PIN4: variants seen among roughly 807,000 people sequenced by gnomAD.
PIN4 encodes the protein peptidylprolyl cis/trans isomerase, NIMA-interacting 4, also known as peptidyl-prolyl cis-trans isomerase NIMA-interacting 4.
Under a neutral mutation model 8.3 loss-of-function variants are expected in PIN4, and 3 were observed. The observed-to-expected ratio is 0.36, with a 90% CI of 0.16 to 0.93. The LOEUF (loss-of-function observed/expected upper bound fraction) is 0.93. Among genes scored for constraint, PIN4 ranks in the 40% least tolerant of loss-of-function variants. PIN4 has a pLI of 0.44. For missense variants in PIN4, 75 were observed against 100.6 expected, an observed-to-expected ratio of 0.75 and a Z score of 1.09; for synonymous variants, 18 against 32.5, an observed-to-expected ratio of 0.55 and a Z score of 1.52.
intron 3 of PIN4, among the ~76,000 whole-genome samples, chrX:72,250,932 G>T (rs2043084339): frequency 9.3e-6 from 1 of 107,258 alleles, no homozygotes; most frequent in Non-Finnish European, 1.9e-5. Context: ...TAGATATGGG[G>T]GTTTTGTCAT....
At chrX:72,239,031 C>T in intron 3 of PIN4, 1 of 733,594 alleles carries the variant, frequency 1.4e-6, no homozygotes, top group East Asian at 3.6e-5. Context: ...CGCGCATGCT[C>T]TGTGCGCCGT....
intron 3 of PIN4, among the ~76,000 whole-genome samples, chrX:72,224,686 A>G (rs4240012): frequency 0.42 from 46,490 of 110,067 alleles, 8,911 homozygotes; most frequent in East Asian, 0.98. Context: ...TGGAGGTTGC[A>G]GCAAGCCAAG....
intron 2 of PIN4, among the ~76,000 whole-genome samples, chrX:72,190,739 G>A (rs1000086952): frequency 9.1e-6 from 1 of 110,281 alleles, no homozygotes; most frequent in African/African-American, 3.3e-5. Flanking sequence ...GATCACCTGA[G>A]GTCAAGAGTC....
At chrX:72,220,961 C>T (rs1423318639) in intron 3 of PIN4, among the ~76,000 whole-genome samples, 1 of 111,853 alleles carries the variant, frequency 8.9e-6, no homozygotes, top group Non-Finnish European at 1.9e-5. Context: ...AACGGCAGCT[C>T]ATCATAAGTT....
rs143295755 is a variant in PIN4, at chrX:72,197,454, G to A, written c.324G>A (p.Lys108=). 1.5e-5 allele frequency: 18 copies of A among 1,206,271 alleles called. No individual in the cohort carries two copies. In the African/African-American group the frequency reaches 3.1e-4, roughly 21 times the overall value. ...AFALPVSGMD[K]PVFTDPPVKT... The stretch of plus-strand genomic sequence containing the variant: ...CCTTGCCTGTAAGTGGGATGGATAA[G>A]CCTGTGTTTACAGACCCACCGGTTA... Residue 108 remains lysine, a synonymous_variant, in exon 4 of 4, where the codon AAG becomes AAA. Coordinates refer to ENST00000373669, the MANE Select transcript of PIN4 (RefSeq NM_006223.4).
At chrX:72,196,949 G>A (rs1266643721) in intron 3 of PIN4, 45 bp downstream of exon 3, 2 of 1,063,800 alleles carry the variant, frequency 1.9e-6, no homozygotes, top group South Asian at 2.6e-5. Context: ...AGGTAAGAAA[G>A]CAAAGTAAAA....
Position 72,197,871 on chromosome X carries a change from C to T in PIN4, c.*345C>T. 1 of 764,904 alleles carries T rather than the reference C, an allele frequency of 1.3e-6. No homozygotes were observed. Among genetic ancestry groups the T allele is most frequent in the Non-Finnish European group, 1.6e-6 (1 of 643,125 alleles). The allele number at this position is 764,904 out of a possible 1,213,427, so 63.0% of individuals were successfully genotyped here. ...TCTTCAGGGGAAGCAGATATCAACT[C>T]ACACTATTCACACAACTGAAAATAT... is the stretch of plus-strand genomic sequence containing the variant. On this transcript the variant is annotated 3_prime_UTR_variant, in exon 4 of 4. Coordinates refer to ENST00000373669, the MANE Select transcript of PIN4 (RefSeq NM_006223.4).
intron 3 of PIN4, among the ~76,000 whole-genome samples, chrX:72,236,803 C>T (rs1307975148): frequency 1.8e-5 from 2 of 111,876 alleles, no homozygotes; most frequent in African/African-American, 6.5e-5. Context: ...GGTTTTGCTA[C>T]GTCATTTCAC....
intron 3 of PIN4, among the ~76,000 whole-genome samples, chrX:72,231,318 C>T (rs1318876969): frequency 2.7e-5 from 3 of 111,294 alleles, no homozygotes; most frequent in African/African-American, 9.8e-5. Context: ...AAACCAGGCA[C>T]GGAGAGACAA....
Position 72,191,424 on chromosome X carries a change from G to A in PIN4, c.117+4890G>A, listed in dbSNP as rs767356755. ...AAATTAGTTGGGCATGGTGGCATGC[G>A]CCTGGAATCTCAGCTACTCGGGAGG... On this transcript the variant is annotated intron_variant, in intron 2 of 3. Transcript: ENST00000373669. 1.2e-3 allele frequency among the ~76,000 whole-genome samples: 130 copies of A among 110,941 alleles called. No homozygotes were observed. The South Asian group carries it at 0.016, about 14-fold the overall frequency.
chrX:72,210,247 G>A (rs773603865), intron 3 of PIN4, among the ~76,000 whole-genome samples: 418 of 98,565 alleles, frequency 4.2e-3, no homozygotes, highest in Non-Finnish European at 6.9e-3. Flanking sequence ...ATAAATAAAT[G>A]GAAAAAAGAT....
At chrX:72,259,114 A>G (rs2043126316) in intron 3 of PIN4, among the ~76,000 whole-genome samples, 1 of 111,225 alleles carries the variant, frequency 9.0e-6, no homozygotes. Flanking sequence ...AAGCATTTTT[A>G]GTGAGCAGTT....
At position 72,197,912 on chromosome X, in the gene PIN4, T is replaced by A. The variant is rs1247081390; in HGVS notation, c.*386T>A. On this transcript the variant is annotated 3_prime_UTR_variant, in exon 4 of 4. Coordinates refer to ENST00000373669, the MANE Select transcript of PIN4 (RefSeq NM_006223.4). The stretch of plus-strand genomic sequence containing the variant: ...CTGAAAATATTGGGCATCAAATAGA[T>A]TAGTGTGTGAGAATCATAAAATAAG... The A allele has an allele frequency of 5.3e-6, 4 of 752,227 alleles. No individual in the cohort carries two copies. Among genetic ancestry groups the A allele is most frequent in the Non-Finnish European group, 6.3e-6 (4 of 633,493 alleles). The allele number at this position is 752,227 out of a possible 1,213,427, so 62.0% of individuals were successfully genotyped here.
chrX:72,229,681 T>A (rs2042972431), intron 3 of PIN4, among the ~76,000 whole-genome samples: 1 of 111,560 alleles, frequency 9.0e-6, no homozygotes, highest in Admixed American at 9.6e-5. Context: ...TCTCCCTCCA[T>A]TGGACTTGTT....
At chrX:72,209,468 T>C (rs1294598534) in intron 3 of PIN4, among the ~76,000 whole-genome samples, 2 of 112,322 alleles carry the variant, frequency 1.8e-5, no homozygotes, top group Non-Finnish European at 3.8e-5. Flanking sequence ...ACCATCTATT[T>C]AGCCACCCAA....
At chrX:72,242,962 A>G (rs1006961656) in intron 3 of PIN4, among the ~76,000 whole-genome samples, 2 of 110,874 alleles carry the variant, frequency 1.8e-5, no homozygotes, top group Non-Finnish European at 3.8e-5. Context: ...GCAGTGAGCC[A>G]AGATCTCACT....
Position 72,258,245 on chromosome X carries a change from C to G in PIN4, c.313-4462C>G, listed in dbSNP as rs1026163350. On this transcript the variant is annotated intron_variant, in intron 3 of 3. Coordinates refer to the PIN4 transcript ENST00000423432. ...TCCCCAGCTCTGCCTTGGATCGGCC[C>G]TGGCCCAGAGGACCTTTGAAACCTT... 2.7e-5 allele frequency among the ~76,000 whole-genome samples: 3 copies of G among 112,119 alleles called. 1 individual carries two copies. The highest frequency in any genetic ancestry group is 9.7e-5 in the African/African-American group (3 of 30,790).
intron 3 of PIN4, chrX:72,205,700 C>A: frequency 8.3e-7 from 1 of 1,211,850 alleles, no homozygotes; most frequent in Non-Finnish European, 1.1e-6. Context: ...ATCCTTCTAG[C>A]TTTACTTCTG....
chrX:72,234,242 A>C (rs139893184), intron 3 of PIN4, among the ~76,000 whole-genome samples: 1 of 112,757 alleles, frequency 8.9e-6, no homozygotes, highest in Non-Finnish European at 1.9e-5. Flanking sequence ...AGCAGCAGTC[A>C]GTGAAGTAAG....
Sources: allele counts gnomAD v4.1 joint callset (sites outside exome capture counted in the v4.1 genomes callset), GRCh38; gene constraint gnomAD v4.1.1; transcripts MANE v1.5; gene names NCBI Gene and HGNC (gene_info 2026-07-23, HGNC 2026-07-21).